Variants in SCD5 observed in about 807,000 individuals in gnomAD.
SCD5 encodes the protein stearoyl-CoA desaturase 5.
A neutral mutation model predicts 30.4 loss-of-function variants in SCD5; 20 were observed. The ratio of observed to expected loss-of-function variants is 0.66; its 90% CI spans 0.46 to 0.96. The LOEUF (loss-of-function observed/expected upper bound fraction) is 0.96. Among genes scored for constraint, SCD5 ranks in the 40% least tolerant of loss-of-function variants. The pLI, the probability that SCD5 is intolerant of heterozygous loss-of-function variation, is 0.00. For missense variants in SCD5, 381 were observed against 443.3 expected (o/e 0.86, Z 1.26); for synonymous variants, 173 against 176.4 (o/e 0.98, Z 0.16).
intron 3 of SCD5, among the ~76,000 whole-genome samples, chr4:82,642,002 T>G (rs1228480428): frequency 6.6e-6 from 1 of 152,006 alleles, no homozygotes; most frequent in African/African-American, 2.4e-5. Context: ...GGCTGCCAGG[T>G]AGAGGATATC....
chr4:82,682,608 G>A (rs2148821905), intron 2 of SCD5, among the ~76,000 whole-genome samples: 1 of 152,224 alleles, frequency 6.6e-6, no homozygotes, highest in East Asian at 1.9e-4. Flanking sequence ...ATTTCATAGA[G>A]ATTGGCTTCA....
At chr4:82,642,617 C>T (rs1727567916) in intron 3 of SCD5, among the ~76,000 whole-genome samples, 1 of 152,214 alleles carries the variant, frequency 6.6e-6, no homozygotes, top group Admixed American at 6.5e-5. Context: ...GTGCACTGCA[C>T]AGCATTCCTG....
rs749981746 is a variant in SCD5, at chr4:82,636,607, G to A, written c.786C>T (p.Val262=). ...KHISPRQNPL[V]ALGAIGEGFH... is the part of the protein sequence containing the mutation. ...CCTACTCACCAATGGCACCCAGAGC[G>A]ACGAGTGGGTTCTGCCGAGGGCTGA... Residue 262 remains valine (V), a synonymous_variant, in exon 4 of 5, where the codon GTC becomes GTT. Transcript: ENST00000319540. 2.2e-5 allele frequency: 35 copies of A among 1,613,860 alleles called. No individual in the cohort carries two copies. Among genetic ancestry groups the A allele is most frequent in the Middle Eastern group, 1.7e-4 (1 of 6,010 alleles).
intron 2 of SCD5, among the ~76,000 whole-genome samples, chr4:82,695,084 T>G (rs948570148): frequency 6.9e-6 from 1 of 145,192 alleles, no homozygotes; most frequent in Non-Finnish European, 1.5e-5. Flanking sequence ...AGCCTTTAAC[T>G]TGTGGGATCT....
Position 82,679,275 on chromosome 4 carries a change from A to G in SCD5, c.569+1432T>C, listed in dbSNP as rs1364120446. The stretch of plus-strand genomic sequence containing the variant: ...AAGAAAGAAAGAAGGAAGGAAAGAA[A>G]GAAAGAAGGAAGGAAAGAAAGAAAG... On this transcript the variant is annotated intron_variant, in intron 3 of 4. Coordinates refer to ENST00000319540, the MANE Select transcript of SCD5 (RefSeq NM_001037582.3). Among the ~76,000 whole-genome samples, 40 of 119,640 alleles carry G rather than the reference A, an allele frequency of 3.3e-4. 2 individuals are homozygous for G. Among genetic ancestry groups the G allele is most frequent in the African/African-American group, 1.1e-3 (37 of 32,294 alleles). The allele number at this position is 119,640 out of a possible 152,430, so 78.5% of individuals were successfully genotyped here. A position where few individuals can be genotyped will look rare whatever the true frequency, so the allele number is the denominator to read the frequency against.
chr4:82,743,777 T>G lies in SCD5; in HGVS notation c.233-38364A>C, dbSNP rs1578048775. ...CCTCAAGCAATCCCCCCCGCCTTGG[T>G]CTCCCAAAGTGCTGAGATTACAGGC... On this transcript the variant is annotated intron_variant, in intron 1 of 4. Coordinates refer to ENST00000319540, the MANE Select transcript of SCD5 (RefSeq NM_001037582.3). Among the ~76,000 whole-genome samples the G allele has an allele frequency of 2.0e-5, 3 of 151,558 alleles. No individual in the cohort carries two copies. The South Asian group carries it at 6.3e-4, about 32-fold the overall frequency.
chr4:82,668,687 T>C (rs776013177), intron 3 of SCD5, among the ~76,000 whole-genome samples: 3 of 152,198 alleles, frequency 2.0e-5, no homozygotes, highest in African/African-American at 4.8e-5. Flanking sequence ...GGCCAAGTGA[T>C]GCTTACCTTA....
chr4:82,737,974 C>G (rs553422168), intron 1 of SCD5, among the ~76,000 whole-genome samples: 13 of 147,996 alleles, frequency 8.8e-5, no homozygotes, highest in African/African-American at 3.2e-4. Context: ...AAAAAATCCA[C>G]TATCTAGAAC....
chr4:82,744,301 C>T (rs953112144), intron 1 of SCD5, among the ~76,000 whole-genome samples: 1 of 152,108 alleles, frequency 6.6e-6, no homozygotes, highest in Non-Finnish European at 1.5e-5. Context: ...TTATATTATC[C>T]TCCCACTCAT....
chr4:82,714,858 C>A, intron 1 of SCD5, among the ~76,000 whole-genome samples: 1 of 149,276 alleles, frequency 6.7e-6, no homozygotes, highest in East Asian at 1.9e-4. Flanking sequence ...CACTTCTGAA[C>A]CCAAGCAGTT....
chr4:82,751,491 T>C (rs1721101152), intron 1 of SCD5, among the ~76,000 whole-genome samples: 1 of 152,220 alleles, frequency 6.6e-6, no homozygotes, highest in Non-Finnish European at 1.5e-5. Flanking sequence ...CTCTTAGGAC[T>C]GAGAAAAGCC....
intron 3 of SCD5, among the ~76,000 whole-genome samples, chr4:82,662,306 G>A (rs770844094): frequency 2.0e-5 from 3 of 152,034 alleles, no homozygotes; most frequent in Non-Finnish European, 2.9e-5. Flanking sequence ...TCTCACCTCA[G>A]CCTCCAAAAG....
intron 1 of SCD5, among the ~76,000 whole-genome samples, chr4:82,744,362 C>G (rs1720941752): frequency 6.6e-6 from 1 of 152,186 alleles, no homozygotes; most frequent in Non-Finnish European, 1.5e-5. Flanking sequence ...TACATTTACT[C>G]AGGTACAAAA....
chr4:82,761,307 C>T (rs1056134235), intron 1 of SCD5, among the ~76,000 whole-genome samples: 2 of 152,198 alleles, frequency 1.3e-5, no homozygotes, highest in African/African-American at 4.8e-5. Flanking sequence ...TAACCCAAAT[C>T]TTGTCTTCTC....
At chr4:82,659,464 A>T (rs1006976712) in intron 3 of SCD5, among the ~76,000 whole-genome samples, 1 of 152,096 alleles carries the variant, frequency 6.6e-6, no homozygotes, top group African/African-American at 2.4e-5. Flanking sequence ...TCCTGTGGAC[A>T]TTTAGTGCTA....
intron 1 of SCD5, among the ~76,000 whole-genome samples, chr4:82,783,600 T>A (rs1158200862): frequency 6.6e-6 from 1 of 151,792 alleles, no homozygotes; most frequent in Non-Finnish European, 1.5e-5. Context: ...AGGTCGGAGG[T>A]CGAGACCAGC....
At chr4:82,652,617 A>T (rs150020095) in intron 3 of SCD5, among the ~76,000 whole-genome samples, 2,218 of 152,340 alleles carry the variant, frequency 0.015, 62 homozygotes, top group African/African-American at 0.051. Flanking sequence ...TGTCTGGTGC[A>T]CAGTAGGTCC....
intron 1 of SCD5, among the ~76,000 whole-genome samples, chr4:82,731,228 A>T (rs1720637498): frequency 6.6e-6 from 1 of 152,186 alleles, no homozygotes; most frequent in African/African-American, 2.4e-5. Context: ...TTGTAGCTGG[A>T]AGCAGCAATT....
chr4:82,636,495 T>A, intron 4 of SCD5, 96 bp downstream of exon 4: 18 of 819,276 alleles, frequency 2.2e-5, no homozygotes, highest in Non-Finnish European at 3.3e-5. Flanking sequence ...TCCATTCCAC[T>A]CCACTGCTTC....
Sources: gnomAD v4.1 joint callset for allele counts (sites outside exome capture counted in the v4.1 genomes callset) on GRCh38, gnomAD v4.1.1 for gene constraint, MANE v1.5 for transcripts, NCBI Gene and HGNC (gene_info 2026-07-23, HGNC 2026-07-21) for gene names.